The following HTR1F variants were observed in gnomAD, a reference collection of about 807,000 sequenced individuals.
HTR1F encodes the protein 5-hydroxytryptamine (serotonin) receptor 1F, G protein-coupled.
In HTR1F, 17 loss-of-function variants were observed where a neutral mutation model predicts 24.0. The observed-to-expected ratio is 0.71, with a 90% CI of 0.48 to 1.06. The LOEUF is 1.06. HTR1F is among the 50% of genes least tolerant of loss of function. The pLI is 0.00. For synonymous variants in HTR1F, 186 were observed against 156.8 expected (o/e 1.19, Z -1.39); for missense variants, 391 against 427.8 (o/e 0.91, Z 0.76).
intron 2 of HTR1F, among the ~76,000 whole-genome samples, chr3:87,973,171 C>CAA (rs373038127): frequency 1.3e-5 from 2 of 151,648 alleles, no homozygotes; most frequent in Non-Finnish European, 2.9e-5. Context: ...AACTCTCTAT[C>CAA]AAAAAAAATA....
At chr3:87,962,006 A>T (rs1453417338) in intron 2 of HTR1F, among the ~76,000 whole-genome samples, 1 of 152,126 alleles carries the variant, frequency 6.6e-6, no homozygotes, top group East Asian at 1.9e-4. Flanking sequence ...TTAACTGAGA[A>T]TTCTTATTCT....
intron 2 of HTR1F, among the ~76,000 whole-genome samples, chr3:87,914,634 C>T (rs1007621969): frequency 6.6e-6 from 1 of 151,986 alleles, no homozygotes; most frequent in Non-Finnish European, 1.5e-5. Context: ...CTCCTAGGTA[C>T]ACAATTCCAT....
At chr3:87,882,011 A>G (rs974747805) in intron 2 of HTR1F, among the ~76,000 whole-genome samples, 24 of 152,346 alleles carry the variant, frequency 1.6e-4, no homozygotes, top group African/African-American at 5.8e-4. Flanking sequence ...ACAAATTTAC[A>G]AGAAAAAAAC....
intron 2 of HTR1F, among the ~76,000 whole-genome samples, chr3:87,877,818 CTG>C (rs1705704695): frequency 1.3e-5 from 2 of 152,148 alleles, no homozygotes; most frequent in Admixed American, 6.6e-5. Flanking sequence ...AATGTGAACA[CTG>C]TTTGTCTTTG....
chr3:87,800,835 C>G (rs1703979525), intron 1 of HTR1F, among the ~76,000 whole-genome samples: 1 of 152,152 alleles, frequency 6.6e-6, no homozygotes, highest in African/African-American at 2.4e-5. Context: ...TGGCATTTCT[C>G]TCTTTCAAAC....
chr3:87,949,398 C>T (rs1203326362), intron 2 of HTR1F, among the ~76,000 whole-genome samples: 3 of 152,166 alleles, frequency 2.0e-5, no homozygotes, highest in African/African-American at 7.2e-5. Context: ...ACAGCTTCCT[C>T]TACTCAGTCC....
chr3:87,983,834 A>T (rs1705604369), intron 2 of HTR1F, among the ~76,000 whole-genome samples: 1 of 152,200 alleles, frequency 6.6e-6, no homozygotes, highest in South Asian at 2.1e-4. Flanking sequence ...AATTTCAGCT[A>T]TATTCTCAAA....
In HTR1F at chr3:87,890,612, C is replaced by T. The variant is rs1327761772; in HGVS notation, c.-43+68488C>T. ...TTAGATGGGAAAAATATTAACTGTA[C>T]GGTGGATAAACTTGTAAAACCACCT... On this transcript the variant is annotated intron_variant, in intron 2 of 2. Transcript: ENST00000319595. 1.3e-4 allele frequency among the ~76,000 whole-genome samples: 19 copies of T among 145,870 alleles called. No homozygotes were observed. In the East Asian group the frequency reaches 1.8e-3, roughly 14 times the overall value.
At chr3:87,794,403 T>A (rs906309397) in intron 1 of HTR1F, among the ~76,000 whole-genome samples, 1 of 152,220 alleles carries the variant, frequency 6.6e-6, no homozygotes, top group Admixed American at 6.5e-5. Flanking sequence ...ATTCACTGTT[T>A]CCAATCAAAA....
intron 2 of HTR1F, among the ~76,000 whole-genome samples, chr3:87,900,744 A>AT (rs976283022): frequency 6.6e-6 from 1 of 152,176 alleles, no homozygotes; most frequent in Non-Finnish European, 1.5e-5. Flanking sequence ...GGAGTTAAGG[A>AT]GAGTCCCCAA....
At chr3:87,869,390 C>T (rs2938263) in intron 2 of HTR1F, among the ~76,000 whole-genome samples, 18,356 of 122,406 alleles carry the variant, frequency 0.15, 2,249 homozygotes, top group African/African-American at 0.34. Flanking sequence ...GATAGACAAA[C>T]AGATAGATAG....
intron 2 of HTR1F, among the ~76,000 whole-genome samples, chr3:87,850,234 C>T (rs535032960): frequency 2.0e-5 from 3 of 151,760 alleles, no homozygotes; most frequent in Non-Finnish European, 4.4e-5. Flanking sequence ...ATAGACTGGA[C>T]TAAGAAAATG....
chr3:87,922,346 A>C (rs1704028710), intron 2 of HTR1F, among the ~76,000 whole-genome samples: 1 of 151,372 alleles, frequency 6.6e-6, no homozygotes, highest in Non-Finnish European at 1.5e-5. Context: ...TATTTATATC[A>C]GTGCCCATTT....
intron 2 of HTR1F, among the ~76,000 whole-genome samples, chr3:87,826,250 G>A (rs1704459470): frequency 6.6e-6 from 1 of 152,130 alleles, no homozygotes; most frequent in Admixed American, 6.5e-5. Context: ...TCTGTCTCAG[G>A]GAACCTGTTT....
intron 2 of HTR1F, among the ~76,000 whole-genome samples, chr3:87,911,594 C>G (rs1184808850): frequency 6.6e-6 from 1 of 151,922 alleles, no homozygotes; most frequent in Non-Finnish European, 1.5e-5. Flanking sequence ...CAGCATTATC[C>G]TAATACCAAA....
In HTR1F at chr3:87,991,566, A is replaced by T; in HGVS notation, c.817A>T (p.Lys273Ter). The T allele has an allele frequency of 1.2e-6, 2 of 1,614,136 alleles. No individual in the cohort carries two copies. The highest frequency in any genetic ancestry group is 1.7e-6 in the Non-Finnish European group (2 of 1,180,004). ...AGTGAGAAGTCTCAGGTCTGAATTCAAGCATGAGAAATCTTGGAGAAGGCA... is the reference window on the plus strand; with the variant it reads ...AGTGAGAAGTCTCAGGTCTGAATTCTAGCATGAGAAATCTTGGAGAAGGCA... ...STVRSLRSEF[K>*]HEKSWRRQKI... The change falls in exon 3 of 3, where the codon AAG (lysine) becomes TAG (stop). Residue 273 changes from lysine (K) to a stop codon, truncating the protein, a stop_gained. Transcript: ENST00000319595. LOFTEE classifies it high-confidence loss of function.
chr3:87,978,890 G>GAGGAAGGA lies in HTR1F; in HGVS notation c.-42-11780_-42-11773dup, dbSNP rs1184108024. On this transcript the variant is annotated intron_variant, in intron 2 of 2. Transcript: ENST00000319595. The stretch of plus-strand genomic sequence containing the variant: ...GATGGAAGGAAGGGAGGGAGGGAGG[G>GAGGAAGGA]AGGAAGGAAGGAAGGAAGGAAGGAA... 6.6e-3 allele frequency among the ~76,000 whole-genome samples: 305 copies of GAGGAAGGA among 46,114 alleles called. 3 individuals carry two copies. The highest frequency in any genetic ancestry group is 0.018 in the African/African-American group (215 of 12,210). The allele number at this position is 46,114 out of a possible 152,430, so 30.3% of individuals were successfully genotyped here.
intron 2 of HTR1F, among the ~76,000 whole-genome samples, chr3:87,855,734 GT>G (rs1231496045): frequency 2.7e-4 from 41 of 152,004 alleles, no homozygotes; most frequent in African/African-American, 9.7e-4. Context: ...TAAGATTTAA[GT>G]TGTGCATCAT....
chr3:87,898,366 C>A (rs1706248691), intron 2 of HTR1F, among the ~76,000 whole-genome samples: 1 of 152,016 alleles, frequency 6.6e-6, no homozygotes, highest in Non-Finnish European at 1.5e-5. Context: ...CTCTTGAGGC[C>A]TTGGGTAGGT....
Sources: allele counts gnomAD v4.1 joint callset (sites outside exome capture counted in the v4.1 genomes callset), GRCh38; gene constraint gnomAD v4.1.1; transcripts MANE v1.5; gene names NCBI Gene and HGNC (gene_info 2026-07-23, HGNC 2026-07-21).